ACVR2A: variants seen among roughly 807,000 people sequenced by gnomAD.
ACVR2A encodes the protein activin receptor type-2A.
Under a neutral mutation model 61.4 loss-of-function variants are expected in ACVR2A, and 7 were observed. The ratio of observed to expected loss-of-function variants is 0.11; its 90% confidence interval spans 0.06 to 0.21. ACVR2A has a LOEUF of 0.21. Ranked by LOEUF, ACVR2A falls within the 10% of genes least tolerant of loss-of-function variation. ACVR2A has a pLI of 1.00. For missense variants in ACVR2A, 322 were observed against 621.7 expected, an observed-to-expected ratio of 0.52 and a Z score of 5.13; for synonymous variants, 193 against 208.3, an observed-to-expected ratio of 0.93 and a Z score of 0.63.
chr2:147,875,115 T>C (rs1686120798), intron 1 of ACVR2A, among the ~76,000 whole-genome samples: 1 of 152,046 alleles, frequency 6.6e-6, no homozygotes, highest in South Asian at 2.1e-4. Flanking sequence ...AATATTAATA[T>C]CTGTTTAAAT....
chr2:147,883,417 C>G (rs1465564526), intron 1 of ACVR2A, among the ~76,000 whole-genome samples: 2 of 152,192 alleles, frequency 1.3e-5, no homozygotes, highest in East Asian at 1.9e-4. Flanking sequence ...TCTAAAACTC[C>G]TGACCTCAGG....
At chr2:147,886,139 T>G (rs1410778476) in intron 1 of ACVR2A, among the ~76,000 whole-genome samples, 1 of 152,168 alleles carries the variant, frequency 6.6e-6, no homozygotes, top group African/African-American at 2.4e-5. Flanking sequence ...TTGTATAGTA[T>G]TCTTGATACT....
chr2:147,905,177 G>A (rs1686959817), intron 4 of ACVR2A, among the ~76,000 whole-genome samples: 2 of 151,716 alleles, frequency 1.3e-5, no homozygotes, highest in South Asian at 4.2e-4. Context: ...GTATCCCTTG[G>A]CACCTTTCTT....
intron 1 of ACVR2A, among the ~76,000 whole-genome samples, chr2:147,854,814 C>G (rs1055473257): frequency 1.3e-5 from 2 of 152,138 alleles, no homozygotes; most frequent in Admixed American, 6.5e-5. Context: ...CGGACAGAAA[C>G]TAACAGGGTG....
intron 1 of ACVR2A, among the ~76,000 whole-genome samples, chr2:147,894,200 G>A (rs1686666524): frequency 6.6e-6 from 1 of 152,060 alleles, no homozygotes; most frequent in African/African-American, 2.4e-5. Context: ...CTATTTCTGG[G>A]TTCTCTGTTC....
At chr2:147,900,967 CATA>C (rs1686859623) in intron 4 of ACVR2A, among the ~76,000 whole-genome samples, 1 of 152,004 alleles carries the variant, frequency 6.6e-6, no homozygotes, top group Non-Finnish European at 1.5e-5. Flanking sequence ...CATGGATTCC[CATA>C]ATCCTTGTAA....
chr2:147,892,727 G>C (rs1420178628), intron 1 of ACVR2A, among the ~76,000 whole-genome samples: 1 of 151,588 alleles, frequency 6.6e-6, no homozygotes, highest in Non-Finnish European at 1.5e-5. Flanking sequence ...TTCAGTTTTT[G>C]TGATATGTTA....
At chr2:147,874,391 A>G (rs1278137314) in intron 1 of ACVR2A, among the ~76,000 whole-genome samples, 2 of 151,916 alleles carry the variant, frequency 1.3e-5, no homozygotes, top group Non-Finnish European at 2.9e-5. Context: ...TGGGATGTCC[A>G]GAGGGGAAAA....
chr2:147,892,814 A>G (rs917105293), intron 1 of ACVR2A, among the ~76,000 whole-genome samples: 18 of 147,440 alleles, frequency 1.2e-4, no homozygotes, highest in African/African-American at 4.5e-4. Context: ...TATTTTAATA[A>G]TTTTTTTTTT....
intron 1 of ACVR2A, among the ~76,000 whole-genome samples, chr2:147,878,146 A>G (rs1049534235): frequency 3.3e-5 from 5 of 152,218 alleles, no homozygotes; most frequent in African/African-American, 1.2e-4. Flanking sequence ...CAGTGTTAAT[A>G]TAGCAAGACT....
At chr2:147,878,758 A>T (rs1385338146) in intron 1 of ACVR2A, among the ~76,000 whole-genome samples, 1 of 152,144 alleles carries the variant, frequency 6.6e-6, no homozygotes, top group Admixed American at 6.5e-5. Context: ...AAAAATACAA[A>T]AAAAAGCCGG....
At chr2:147,873,367 C>T (rs1360572003) in intron 1 of ACVR2A, among the ~76,000 whole-genome samples, 3 of 151,936 alleles carry the variant, frequency 2.0e-5, no homozygotes, top group Non-Finnish European at 4.4e-5. Context: ...CATTTCAATG[C>T]ATAATCAATA....
intron 4 of ACVR2A, among the ~76,000 whole-genome samples, chr2:147,911,668 C>G (rs1289240167): frequency 6.6e-6 from 1 of 151,910 alleles, no homozygotes; most frequent in Non-Finnish European, 1.5e-5. Context: ...TGTGCATCCT[C>G]TATAATTTAT....
chr2:147,917,243 T>C, intron 5 of ACVR2A, 40 bp from the exon 6 acceptor site: 1 of 1,596,354 alleles, frequency 6.3e-7, no homozygotes. Flanking sequence ...ATTAAACCTG[T>C]ATTCCTTGTG....
chr2:147,883,143 G>T (rs1686349685), intron 1 of ACVR2A, among the ~76,000 whole-genome samples: 1 of 152,164 alleles, frequency 6.6e-6, no homozygotes, highest in Admixed American at 6.5e-5. Flanking sequence ...GAAAAGAAAA[G>T]ATATCAAAAG....
At chr2:147,873,968 G>A (rs1481149945) in intron 1 of ACVR2A, among the ~76,000 whole-genome samples, 1 of 151,924 alleles carries the variant, frequency 6.6e-6, no homozygotes, top group Non-Finnish European at 1.5e-5. Flanking sequence ...GGATAGCAGC[G>A]TGGCATGGAG....
intron 2 of ACVR2A, among the ~76,000 whole-genome samples, chr2:147,898,933 A>G (rs959305398): frequency 6.6e-6 from 1 of 152,110 alleles, no homozygotes; most frequent in African/African-American, 2.4e-5. Context: ...TTCTCAGCCT[A>G]GTTTGGGTTT....
chr2:147,887,675 C>G (rs1180338151), intron 1 of ACVR2A, among the ~76,000 whole-genome samples: 1 of 151,936 alleles, frequency 6.6e-6, no homozygotes, highest in Non-Finnish European at 1.5e-5. Context: ...TGTGGGATGG[C>G]TAAATCAAAC....
rs1687557900 is a variant in ACVR2A at position 147,928,356 on chromosome 2, T to C, written c.*1082T>C. ...GTGTGTGGGACATTCTTTATCACTG[T>C]TTTAGGATCACCTCAGGAAGTGTCG... On this transcript the variant is annotated 3_prime_UTR_variant, in exon 11 of 11. Transcript: ENST00000241416. The C allele has an allele frequency of 6.6e-6, 1 of 152,208 alleles. No homozygotes were observed. Among genetic ancestry groups the C allele is most frequent in the Non-Finnish European group, 1.5e-5 (1 of 67,898 alleles). The allele number at this position is 152,208 out of a possible 1,614,324, so 9.4% of individuals were successfully genotyped here. A position where few individuals can be genotyped will look rare whatever the true frequency, so the allele number is the denominator to read the frequency against.
Sources: allele counts gnomAD v4.1 joint callset (sites outside exome capture counted in the v4.1 genomes callset), GRCh38; gene constraint gnomAD v4.1.1; transcripts MANE v1.5; gene names NCBI Gene and HGNC (gene_info 2026-07-23, HGNC 2026-07-21).